Variants in LOXL3 observed in about 807,000 individuals in gnomAD.
LOXL3 encodes lysyl oxidase homolog 3.
In LOXL3, 60 loss-of-function variants were observed where a neutral mutation model predicts 91.8. That is an observed-to-expected ratio of 0.65 (90% CI 0.53 to 0.81). LOXL3 has a LOEUF of 0.81. Ranked by LOEUF, LOXL3 falls within the 30% of genes least tolerant of loss-of-function variation. The pLI, the probability that LOXL3 is intolerant of heterozygous loss-of-function variation, is 0.00. For missense variants in LOXL3, 874 were observed against 1,000.4 expected, an observed-to-expected ratio of 0.87 and a Z score of 1.70; for synonymous variants, 355 against 387.6, an observed-to-expected ratio of 0.92 and a Z score of 0.99.
rs1675768044 is a variant in LOXL3, at chr2:74,533,385, G to A, written c.*221C>T. On this transcript the variant is annotated 3_prime_UTR_variant, in exon 14 of 14. Transcript: ENST00000264094. The stretch of plus-strand genomic sequence containing the variant: ...TGGTGGGCTCTGGTCTGTTCTGCTC[G>A]GTGCTGGGCCTGGGAGCAAAGATTC... The A allele has an allele frequency of 1.8e-6, 1 of 563,192 alleles. No homozygotes were observed. Among genetic ancestry groups the A allele is most frequent in the Non-Finnish European group, 3.2e-6 (1 of 313,852 alleles). The allele number at this position is 563,192 out of a possible 1,614,324, so 34.9% of individuals were successfully genotyped here.
In LOXL3 at chr2:74,534,659, G is replaced by C; in HGVS notation, c.1695C>G (p.Ala565=). The change falls in exon 10 of 14, where the codon GCC becomes GCG. Residue 565 remains alanine, a synonymous_variant. Coordinates refer to ENST00000264094, the MANE Select transcript of LOXL3 (RefSeq NM_032603.5). ...AAEENCLASS[A]RSANWPYGHR... is the part of the protein sequence containing the mutation. The stretch of plus-strand genomic sequence containing the variant: ...GACCATAGGGCCAGTTGGCTGAGCG[G>C]GCTGAGCTGGCCAGGCAGTTCTCTT... The C allele has an allele frequency of 3.7e-6, 6 of 1,614,204 alleles. No individual in the cohort carries two copies. The highest frequency in any genetic ancestry group is 5.1e-6 in the Non-Finnish European group (6 of 1,180,044).
chr2:74,555,540 G>A (rs765462919), upstream of LOXL3: 21 of 1,613,694 alleles, frequency 1.3e-5, no homozygotes, highest in Non-Finnish European at 1.8e-5. This position sits in a 1 kb window ranked among gnomAD's most constrained non-coding sequence, Gnocchi z 6.1. Context: ...TCCCCGCTGA[G>A]GAAATTACGG....
At chr2:74,540,848 A>T (rs903622141) in intron 4 of LOXL3, among the ~76,000 whole-genome samples, 1 of 151,916 alleles carries the variant, frequency 6.6e-6, no homozygotes, top group Non-Finnish European at 1.5e-5. Flanking sequence ...TGTTAGAAGC[A>T]GGGTCTCACT....
At position 74,549,523 on chromosome 2, in the gene LOXL3, G is replaced by A; in HGVS notation, c.538C>T (p.Arg180Ter). 1.1e-5 allele frequency: 18 copies of A among 1,613,322 alleles called. No homozygotes were observed. The highest frequency in any genetic ancestry group is 1.5e-5 in the Non-Finnish European group (18 of 1,179,550). Residue 180 changes from arginine to a stop codon, truncating the protein, a stop_gained, in exon 4 of 14, where the codon CGA (arginine) becomes TGA (stop). Transcript: ENST00000264094. LOFTEE classifies it high-confidence loss of function. The surrounding 1 kb of genome is among the most constrained non-coding windows in gnomAD (Gnocchi z 5.3). ...AGCCCCTCCGTCACGGGCAGGGGTC[G>A]TCTGCCCCACCCAACGGCGGGTCGA... ...RIRPAVGWGR[R>*]PLPVTEGLVE...
At chr2:74,537,132 A>C (rs1455987075) in intron 4 of LOXL3, among the ~76,000 whole-genome samples, 1 of 152,206 alleles carries the variant, frequency 6.6e-6, no homozygotes, top group Admixed American at 6.5e-5. Flanking sequence ...AACTACCCAG[A>C]TAGGAGGGGC....
At chr2:74,555,597 C>G, upstream of LOXL3, 3 of 1,614,248 alleles carry the variant, frequency 1.9e-6, no homozygotes, top group Non-Finnish European at 2.5e-6. This position sits in a 1 kb window ranked among gnomAD's most constrained non-coding sequence, Gnocchi z 6.1. Context: ...ACTCTGGCGC[C>G]TACCGATAAC....
upstream of LOXL3, chr2:74,555,523 C>T (rs1396622012): frequency 6.2e-7 from 1 of 1,613,074 alleles, no homozygotes; most frequent in Non-Finnish European, 8.5e-7. This position sits in a 1 kb window ranked among gnomAD's most constrained non-coding sequence, Gnocchi z 6.1. Context: ...CTCAGACCGA[C>T]CCCCGCTCCC....
In LOXL3 at chr2:74,534,639, TAG is replaced by T; in HGVS notation, c.1713_1714del (p.Tyr572TrpfsTer19). On this transcript the variant is annotated frameshift_variant, in exon 10 of 14. Transcript: ENST00000264094. LOFTEE classifies it high-confidence loss of function. ...GAATCGGAGCAGACGCCGGTGACCA[TAG>T]GGCCAGTTGGCTGAGCGGGCTGAGC... The T allele has an allele frequency of 1.9e-6, 3 of 1,614,194 alleles. No individual in the cohort carries two copies. The highest frequency in any genetic ancestry group is 2.5e-6 in the Non-Finnish European group (3 of 1,180,030).
In LOXL3 at chr2:74,535,802, G is replaced by A; in HGVS notation, c.1249-47C>T. 2 of 1,522,790 alleles carry A rather than the reference G, an allele frequency of 1.3e-6. No homozygotes were observed. The highest frequency in any genetic ancestry group is 1.8e-6 in the Non-Finnish European group (2 of 1,140,492). The allele number at this position is 1,522,790 out of a possible 1,614,324, so 94.3% of individuals were successfully genotyped here. A position where few individuals can be genotyped will look rare whatever the true frequency, so the allele number is the denominator to read the frequency against. On this transcript the variant is annotated intron_variant, in intron 7 of 13. Transcript: ENST00000264094. The surrounding 1 kb of genome is among the most constrained non-coding windows in gnomAD (Gnocchi z 4.2). ...GCGCTGGAGAAAGCTTTGGGGTGAGGTAGTGGGAGTCTCTAACAGATGTGG... is the reference window on the plus strand; with the variant it reads ...GCGCTGGAGAAAGCTTTGGGGTGAGATAGTGGGAGTCTCTAACAGATGTGG...
rs761423837 is a variant in LOXL3 at position 74,549,940 on chromosome 2, G to A, written c.477+245C>T. The A allele has an allele frequency of 3.2e-4, 315 of 985,346 alleles. No individual in the cohort carries two copies. The highest frequency in any genetic ancestry group is 6.8e-4 in the Admixed American group (11 of 16,276). 61.0% of individuals were successfully genotyped at this position (985,346 alleles called of 1,614,324 possible). The stretch of plus-strand genomic sequence containing the variant: ...CATTTGAGGAGAAGGAGAGCACCAG[G>A]TGCCCCAGGGGTGACTAGGGATGAA... On this transcript the variant is annotated intron_variant, in intron 3 of 13. Transcript: ENST00000264094. The surrounding 1 kb of genome is among the most constrained non-coding windows in gnomAD (Gnocchi z 5.3).
chr2:74,555,030 C>T, upstream of LOXL3: 1 of 1,400,826 alleles, frequency 7.1e-7, no homozygotes, highest in Non-Finnish European at 9.6e-7. This position sits in a 1 kb window ranked among gnomAD's most constrained non-coding sequence, Gnocchi z 6.1. Context: ...TGGGAAACTT[C>T]GCCCCCAACC....
upstream of LOXL3, chr2:74,554,355 G>A (rs1168367946): frequency 2.0e-5 from 4 of 204,000 alleles, no homozygotes; most frequent in Non-Finnish European, 3.0e-5. The surrounding 1 kb of genome is among the most constrained non-coding windows in gnomAD (Gnocchi z 4.9). Context: ...CCCGGCCAGG[G>A]TAAATAAAGC....
rs1457080194 is a variant in LOXL3 at position 74,534,671 on chromosome 2, C to T, written c.1683G>A (p.Leu561=). Reference sequence around the variant, plus strand: ...AGTTGGCTGAGCGGGCTGAGCTGGCCAGGCAGTTCTCTTCCGCAGCACAGT... The same window carrying T: ...AGTTGGCTGAGCGGGCTGAGCTGGCTAGGCAGTTCTCTTCCGCAGCACAGT... The part of the protein sequence containing the change: ...MLYCAAEENC[L]ASSARSANWP... Residue 561 remains leucine (L), a synonymous_variant, in exon 10 of 14, where the codon CTG becomes CTA. Transcript: ENST00000264094. 4 of 1,614,098 alleles carry T rather than the reference C, an allele frequency of 2.5e-6. No homozygotes were observed. The highest frequency in any genetic ancestry group is 3.4e-6 in the Non-Finnish European group (4 of 1,180,050).
At chr2:74,554,883 G>A (rs1573037786), upstream of LOXL3, 1 of 1,597,030 alleles carries the variant, frequency 6.3e-7, no homozygotes, top group Non-Finnish European at 8.5e-7. This position sits in a 1 kb window ranked among gnomAD's most constrained non-coding sequence, Gnocchi z 4.9. Context: ...GAAACAGGGA[G>A]AGGTGGGCAG....
In LOXL3 at chr2:74,549,442, C is replaced by T; in HGVS notation, c.619G>A (p.Ala207Thr). The T allele has an allele frequency of 6.2e-7, 1 of 1,613,166 alleles. No individual in the cohort carries two copies. The highest frequency in any genetic ancestry group is 8.5e-7 in the Non-Finnish European group (1 of 1,179,674). Residue 207 changes from alanine (A) to threonine (T), a missense_variant, in exon 4 of 14, where the codon GCC (alanine) becomes ACC (threonine). Physicochemically the swap from Ala to Thr is moderately conservative, Grantham distance 58 (BLOSUM62 0). Transcript: ENST00000264094. The surrounding 1 kb of genome is among the most constrained non-coding windows in gnomAD (Gnocchi z 5.3). ...CCGCAGACCACGTGGCTGTTGTGGGCGCTCCAGCCTTTGTCGCACACTTGC... is the reference window on the plus strand; with the variant it reads ...CCGCAGACCACGTGGCTGTTGTGGGTGCTCCAGCCTTTGTCGCACACTTGC... ...WSQVCDKGWSAHNSHVVCGML... is the reference protein window; with the variant it reads ...WSQVCDKGWSTHNSHVVCGML...
rs1228056950 is a variant in LOXL3 at position 74,550,467 on chromosome 2, C to G, written c.314-119G>C. On this transcript the variant is annotated intron_variant, in intron 2 of 13. Coordinates refer to ENST00000264094, the MANE Select transcript of LOXL3 (RefSeq NM_032603.5). ...ACTTGGCCATGATGATCCCATCTTT[C>G]TGGTATGATAAGGGGTGGAGACGGG... The G allele has an allele frequency of 1.2e-5, 13 of 1,117,770 alleles. 1 individual carries two copies. The highest frequency in any genetic ancestry group is 1.5e-5 in the Non-Finnish European group (12 of 783,510). 69.2% of individuals were successfully genotyped at this position (1,117,770 alleles called of 1,614,324 possible).
Position 74,536,252 on chromosome 2 carries a change from A to C in LOXL3, c.1093+39T>G, listed in dbSNP as rs1573006543. ...AGGAATATGCCCCCCAGGAGCATGT[A>C]CCTCCTTCCCTCTCCCTCCCACCTC... On this transcript the variant is annotated intron_variant, in intron 6 of 13. Coordinates refer to ENST00000264094, the MANE Select transcript of LOXL3 (RefSeq NM_032603.5). This position sits in a 1 kb window ranked among gnomAD's most constrained non-coding sequence, Gnocchi z 4.5. The C allele has an allele frequency of 1.2e-6, 2 of 1,608,946 alleles. No homozygotes were observed. The highest frequency in any genetic ancestry group is 1.7e-6 in the Non-Finnish European group (2 of 1,176,608).
chr2:74,535,912 G>A lies in LOXL3; in HGVS notation c.1248+84C>T, dbSNP rs1675991587. 1.3e-6 allele frequency: 2 copies of A among 1,492,558 alleles called. No homozygotes were observed. Among genetic ancestry groups the A allele is most frequent in the Non-Finnish European group, 1.8e-6 (2 of 1,120,704 alleles). The allele number at this position is 1,492,558 out of a possible 1,614,324, so 92.5% of individuals were successfully genotyped here. On this transcript the variant is annotated intron_variant, in intron 7 of 13. Transcript: ENST00000264094. The surrounding 1 kb of genome is among the most constrained non-coding windows in gnomAD (Gnocchi z 4.2). ...GGAGGGCAGGGGCCTGGGGCAATGGGCTGGGGGCCATTGGACTGTAGATTG... is the reference window on the plus strand; with the variant it reads ...GGAGGGCAGGGGCCTGGGGCAATGGACTGGGGGCCATTGGACTGTAGATTG...
chr2:74,546,841 C>T (rs888079841), intron 4 of LOXL3, among the ~76,000 whole-genome samples: 7 of 152,180 alleles, frequency 4.6e-5, no homozygotes, highest in Admixed American at 3.3e-4. Context: ...CTCAGCCTCC[C>T]GAGTAGCTGG....
Sources: allele counts gnomAD v4.1 joint callset (sites outside exome capture counted in the v4.1 genomes callset), GRCh38; gene constraint gnomAD v4.1.1; non-coding constraint Gnocchi (gnomAD v3.1); transcripts MANE v1.5; gene names NCBI Gene and HGNC (gene_info 2026-07-23, HGNC 2026-07-21).